TMPRSS9: variants seen among roughly 807,000 people sequenced by gnomAD.
TMPRSS9 encodes transmembrane protease serine 9.
TMPRSS9 carries 113 observed loss-of-function variants against 111.4 expected under a neutral mutation model. That is an observed-to-expected ratio of 1.01 (90% CI 0.87 to 1.19). TMPRSS9 has a LOEUF of 1.19. Among genes scored for constraint, TMPRSS9 ranks in the 50% most tolerant of loss-of-function variants. The pLI is 0.00. For missense variants in TMPRSS9, 1,803 were observed against 1,513.1 expected (o/e 1.19, Z -3.18); for synonymous variants, 805 against 659.1 (o/e 1.22, Z -3.39).
chr19:2,425,823 T>TC, intron 17 of TMPRSS9, 104 bp from the exon 19 acceptor site: 1 of 1,430,586 alleles, frequency 7.0e-7, no homozygotes, highest in Non-Finnish European at 9.2e-7. Flanking sequence ...AAAATGCGGC[T>TC]CCCAGGGGAA....
chr19:2,411,256 C>T (rs1450791667), intron 9 of TMPRSS9, among the ~76,000 whole-genome samples: 9 of 114,886 alleles, frequency 7.8e-5, no homozygotes, highest in Admixed American at 2.2e-4. Context: ...GCTGAGATCA[C>T]GCCATTGCAC....
At chr19:2,366,818 C>A (rs566527977) in intron 1 of TMPRSS9, among the ~76,000 whole-genome samples, 19 of 142,790 alleles carry the variant, frequency 1.3e-4, no homozygotes, top group Non-Finnish European at 2.3e-4. Flanking sequence ...GATTGCGCCA[C>A]TGCACTCCAG....
intron 1 of TMPRSS9, among the ~76,000 whole-genome samples, chr19:2,380,679 G>C (rs1453974956): frequency 2.0e-5 from 3 of 151,648 alleles, no homozygotes; most frequent in Non-Finnish European, 4.4e-5. Flanking sequence ...CTGGATTGCA[G>C]CCTCATGAGA....
rs529099664 is a variant in TMPRSS9, at chr19:2,420,178, G to A, written c.2155-1676G>A. Among the ~76,000 whole-genome samples the A allele has an allele frequency of 9.2e-5, 14 of 151,774 alleles. No individual in the cohort carries two copies. In the East Asian group the frequency reaches 2.7e-3, roughly 29 times the overall value. On this transcript the variant is annotated intron_variant, in intron 13 of 17. Coordinates refer to ENST00000648592, the Ensembl canonical transcript of TMPRSS9. Reference sequence around the variant, plus strand: ...CCCTATCTCAAAAAACGAAGGGCGGGTGCAGTGGCATGCATTTTGGGAGGC... The same window carrying A: ...CCCTATCTCAAAAAACGAAGGGCGGATGCAGTGGCATGCATTTTGGGAGGC...
At chr19:2,379,644 T>TCTTTCTTTCTTC (rs1491339000) in intron 1 of TMPRSS9, among the ~76,000 whole-genome samples, 8 of 148,870 alleles carry the variant, frequency 5.4e-5, no homozygotes, top group African/African-American at 1.8e-4. Flanking sequence ...TTTCTTTCTT[T>TCTTTCTTTCTTC]CTTTCTTTCT....
rs1189044682 is a variant in TMPRSS9 at position 2,389,793 on chromosome 19, C to T, written c.8C>T (p.Pro3Leu). The change falls in exon 1 of 18, where the codon CCC (proline) becomes CTC (leucine). Residue 3 changes from proline (P) to leucine (L), a missense_variant. Coordinates refer to ENST00000648592, the Ensembl canonical transcript of TMPRSS9. ...TCTGCGTGTCTCTGAGCCATGGAGC[C>T]CACTGTGGCTGACGTACACCTCGTG... 2.5e-6 allele frequency: 4 copies of T among 1,612,866 alleles called. No homozygotes were observed. In the Admixed American group the frequency reaches 5.0e-5, roughly 20 times the overall value.
intron 12 of TMPRSS9, among the ~76,000 whole-genome samples, 153 bp downstream of exon 13, chr19:2,416,962 C>G (rs1971254052): frequency 6.6e-6 from 1 of 152,128 alleles, no homozygotes; most frequent in Non-Finnish European, 1.5e-5. Flanking sequence ...TCCCGCTGCC[C>G]ACACACCTCT....
chr19:2,387,914 G>A (rs12972434), upstream of TMPRSS9, among the ~76,000 whole-genome samples: 32,492 of 152,066 alleles, frequency 0.21, 4,330 homozygotes, highest in Admixed American at 0.35. Context: ...GGGCAGGGGA[G>A]GGAGGAAAGA....
At chr19:2,367,937 T>C (rs1418519345) in intron 1 of TMPRSS9, among the ~76,000 whole-genome samples, 4 of 151,732 alleles carry the variant, frequency 2.6e-5, no homozygotes, top group Non-Finnish European at 5.9e-5. Flanking sequence ...TCTCGAACTC[T>C]GGATCTCAAG....
At chr19:2,372,349 C>CTT (rs10658841) in intron 1 of TMPRSS9, among the ~76,000 whole-genome samples, 31,848 of 151,724 alleles carry the variant, frequency 0.21, 5,644 homozygotes, top group African/African-American at 0.48. Context: ...CGGCCAGTAA[C>CTT]ACCCTCCTAC....
At chr19:2,385,293 A>G (rs1043669766), upstream of TMPRSS9, among the ~76,000 whole-genome samples, 3 of 151,982 alleles carry the variant, frequency 2.0e-5, no homozygotes, top group African/African-American at 4.8e-5. Flanking sequence ...TGCCTGCCCC[A>G]GGTGTCCTGT....
chr19:2,422,337 T>C (rs769425476), intron 14 of TMPRSS9, 90 bp downstream of exon 15: 80 of 1,419,064 alleles, frequency 5.6e-5, no homozygotes, highest in Non-Finnish European at 6.3e-5. Flanking sequence ...TCGTCCACTT[T>C]GGGAGGCCGA....
At chr19:2,390,302 GTGAT>G (rs1970560812) in intron 1 of TMPRSS9, among the ~76,000 whole-genome samples, 1 of 92,784 alleles carries the variant, frequency 1.1e-5, no homozygotes, top group Non-Finnish European at 2.5e-5. Context: ...GTGCAGTGGT[GTGAT>G]ATCTCGGCTC....
At chr19:2,391,622 A>C (rs990498647) in intron 1 of TMPRSS9, among the ~76,000 whole-genome samples, 1 of 148,244 alleles carries the variant, frequency 6.7e-6, no homozygotes, top group Non-Finnish European at 1.5e-5. Flanking sequence ...GTGTGTGTCC[A>C]TCACCTAGTG....
At chr19:2,361,649 G>A (rs1970199742) in intron 1 of TMPRSS9, among the ~76,000 whole-genome samples, 1 of 152,158 alleles carries the variant, frequency 6.6e-6, no homozygotes, top group Admixed American at 6.5e-5. Flanking sequence ...CTGGGAATTA[G>A]GGCGGGGTCC....
Position 2,396,425 on chromosome 19 carries a change from A to T in TMPRSS9, c.143-114A>T, listed in dbSNP as rs1031489283. 14 of 1,315,388 alleles carry T rather than the reference A, an allele frequency of 1.1e-5. No individual in the cohort carries two copies. The African/African-American group carries it at 2.1e-4, about 20-fold the overall frequency. The allele number at this position is 1,315,388 out of a possible 1,614,324, so 81.5% of individuals were successfully genotyped here. ...GGCGTCGACCACCCCACTGCGTGTCAGGAGTGACCACCAGGGTGTGTGAGT... is the reference window on the plus strand; with the variant it reads ...GGCGTCGACCACCCCACTGCGTGTCTGGAGTGACCACCAGGGTGTGTGAGT... On this transcript the variant is annotated intron_variant, in intron 1 of 17. Coordinates refer to ENST00000648592, the Ensembl canonical transcript of TMPRSS9.
At chr19:2,419,429 C>T (rs1457003831) in intron 13 of TMPRSS9, among the ~76,000 whole-genome samples, 4 of 151,714 alleles carry the variant, frequency 2.6e-5, no homozygotes, top group Non-Finnish European at 5.9e-5. Context: ...GTCTCGATCT[C>T]CTGATGTCGT....
At chr19:2,409,172 C>G (rs761288199) in intron 8 of TMPRSS9, among the ~76,000 whole-genome samples, 51 of 134,174 alleles carry the variant, frequency 3.8e-4, no homozygotes, top group Non-Finnish European at 7.2e-4. Context: ...TGGAGTTTTG[C>G]TCTTGTTGCC....
At chr19:2,413,262 G>A (rs890245539) in intron 9 of TMPRSS9, among the ~76,000 whole-genome samples, 1 of 152,136 alleles carries the variant, frequency 6.6e-6, no homozygotes, top group Admixed American at 6.6e-5. Context: ...ATATGGGAAG[G>A]TAAAAAATGG....
Sources: gnomAD v4.1 joint callset for allele counts (sites outside exome capture counted in the v4.1 genomes callset) on GRCh38, gnomAD v4.1.1 for gene constraint, MANE v1.5 for transcripts, NCBI Gene and HGNC (gene_info 2026-07-23, HGNC 2026-07-21) for gene names.